RRBP1: variants seen among roughly 807,000 people sequenced by gnomAD.
RRBP1 encodes ribosome-binding protein 1.
A neutral mutation model predicts 165.2 loss-of-function variants in RRBP1; 94 were observed. That is an observed-to-expected ratio of 0.57 (90% CI 0.48 to 0.68). RRBP1 has a LOEUF of 0.68. RRBP1 is among the 30% of genes least tolerant of loss of function. The pLI, the probability that RRBP1 is intolerant of heterozygous loss-of-function variation, is 0.00. For missense variants in RRBP1, 1,676 were observed against 1,763.0 expected (o/e 0.95, Z 0.88); for synonymous variants, 680 against 714.5 (o/e 0.95, Z 0.77).
In RRBP1 at chr20:17,658,625, T is replaced by G. The variant is rs1002006827; in HGVS notation, c.1883A>C (p.Lys628Thr). 8.7e-6 allele frequency: 14 copies of G among 1,604,842 alleles called. No homozygotes were observed. The highest frequency in any genetic ancestry group is 1.4e-5 in the African/African-American group (1 of 74,032). The change falls in exon 3 of 25, where the codon AAG becomes ACG. Residue 628 changes from lysine (K) to threonine (T), a missense_variant. By Grantham distance (78) the Lys-to-Thr change is moderately conservative. Coordinates refer to ENST00000377813, the MANE Select transcript of RRBP1 (RefSeq NM_001365613.2). ...APKQEAPAKK[K>T]SGSKKKGEPG... ...CTCACCTTTTTTCTTTGAACCAGAC[T>G]TCTTCTTGGCAGGAGCCTCTTGCTT... is the stretch of plus-strand genomic sequence containing the variant.
intron 24 of RRBP1, 83 bp from the exon 25 acceptor site, chr20:17,614,303 T>A: frequency 7.2e-7 from 1 of 1,385,438 alleles, no homozygotes; most frequent in Non-Finnish European, 1.0e-6. Context: ...GGGCCTTTAG[T>A]CCCTCCCTGG....
At chr20:17,635,416 T>C in intron 7 of RRBP1, 130 bp downstream of exon 7, 1 of 671,158 alleles carries the variant, frequency 1.5e-6, no homozygotes, top group Non-Finnish European at 2.5e-6. Flanking sequence ...AGATGGAAGG[T>C]CAGGACGGCT....
At chr20:17,671,267 T>C (rs573648176) in intron 2 of RRBP1, among the ~76,000 whole-genome samples, 127 of 152,360 alleles carry the variant, frequency 8.3e-4, no homozygotes, top group Non-Finnish European at 1.5e-3. Flanking sequence ...CATTATCTTA[T>C]GTTTTCTGAG....
chr20:17,654,330 AC>A (rs2036610284), intron 3 of RRBP1, among the ~76,000 whole-genome samples: 2 of 152,212 alleles, frequency 1.3e-5, no homozygotes. Flanking sequence ...TTCTTCTTGT[AC>A]AGATGCTGCT....
chr20:17,631,379 C>A (rs1169470769), intron 8 of RRBP1, among the ~76,000 whole-genome samples: 1 of 152,228 alleles, frequency 6.6e-6, no homozygotes, highest in South Asian at 2.1e-4. Flanking sequence ...CATGTTCTTC[C>A]GTTTGTTACT....
chr20:17,616,247 C>A (rs6044910), intron 21 of RRBP1, among the ~76,000 whole-genome samples: 150,101 of 152,182 alleles, frequency 0.99, 74,063 homozygotes, highest in East Asian at 1. Flanking sequence ...AGGACAAGAA[C>A]GATGCCTCCG....
At chr20:17,645,306 G>A (rs1042406365) in intron 3 of RRBP1, among the ~76,000 whole-genome samples, 6 of 152,296 alleles carry the variant, frequency 3.9e-5, no homozygotes, top group African/African-American at 9.6e-5. Context: ...TTCTCGGAGC[G>A]GCATTCTCAT....
rs1273375441 is a variant in RRBP1 at position 17,644,811 on chromosome 20, A to G, written c.1913-1684T>C. On this transcript the variant is annotated intron_variant, in intron 3 of 24. Coordinates refer to ENST00000377813, the MANE Select transcript of RRBP1 (RefSeq NM_001365613.2). ...TTGGTATGAAAAAAAAAGAATGTGA[A>G]GTATCTGTAATAATTTTATATATGG... 3.3e-5 allele frequency among the ~76,000 whole-genome samples: 5 copies of G among 152,382 alleles called. No homozygotes were observed. The South Asian group carries it at 8.3e-4, about 25-fold the overall frequency.
intron 2 of RRBP1, among the ~76,000 whole-genome samples, chr20:17,672,028 G>A (rs1460019491): frequency 6.6e-6 from 1 of 152,212 alleles, no homozygotes; most frequent in Non-Finnish European, 1.5e-5. Flanking sequence ...CTGTGCCAGG[G>A]AGACTACTAC....
intron 5 of RRBP1, among the ~76,000 whole-genome samples, chr20:17,640,501 G>C (rs549779346): frequency 6.6e-6 from 1 of 152,332 alleles, no homozygotes; most frequent in South Asian, 2.1e-4. Flanking sequence ...GCCCCTGGCA[G>C]AGCTTGATGG....
intron 3 of RRBP1, among the ~76,000 whole-genome samples, chr20:17,657,901 C>T (rs2036674101): frequency 6.6e-6 from 1 of 152,194 alleles, no homozygotes; most frequent in Non-Finnish European, 1.5e-5. Context: ...CCATCATTCA[C>T]TCAACAAGCA....
chr20:17,616,861 T>A (rs2035811494), intron 20 of RRBP1, 22 bp from the exon 21 acceptor site: 1 of 1,568,200 alleles, frequency 6.4e-7, no homozygotes, highest in Admixed American at 1.7e-5. Context: ...AGGGGTGTGT[T>A]TGCAAATGCA....
At chr20:17,636,818 A>T (rs1015322410) in intron 5 of RRBP1, 89 bp from the exon 6 acceptor site, 6 of 1,526,898 alleles carry the variant, frequency 3.9e-6, no homozygotes, top group Admixed American at 1.7e-5. Context: ...CCGAGCTGGG[A>T]GGCTGGAGAG....
At chr20:17,676,767 A>T (rs2037089943) in intron 2 of RRBP1, among the ~76,000 whole-genome samples, 1 of 152,068 alleles carries the variant, frequency 6.6e-6, no homozygotes, top group Admixed American at 6.6e-5. Flanking sequence ...GTTTTTTATT[A>T]TGAGACAGAG....
intron 9 of RRBP1, among the ~76,000 whole-genome samples, chr20:17,629,226 A>T (rs2036097704): frequency 6.6e-6 from 1 of 152,158 alleles, no homozygotes; most frequent in Non-Finnish European, 1.5e-5. Flanking sequence ...TGGCCTGGGG[A>T]GGGGCTCGGG....
In RRBP1 at chr20:17,615,938, G is replaced by T; in HGVS notation, c.3939C>A (p.Ala1313=). The T allele has an allele frequency of 6.2e-7, 1 of 1,610,046 alleles. No individual in the cohort carries two copies. The highest frequency in any genetic ancestry group is 8.5e-7 in the Non-Finnish European group (1 of 1,179,888). Residue 1313 remains alanine (A), a synonymous_variant, in exon 22 of 25, where the codon GCC becomes GCA. Transcript: ENST00000377813. The part of the protein sequence containing the change: ...DEQTQRQKLT[A]EFEEAQTSAC... ...GGCAGGGCCTGACCTCCTCAAACTC[G>T]GCCGTGAGCTTCTGCCGCTGTGTCT...
chr20:17,652,602 C>T (rs1254079339), intron 3 of RRBP1, among the ~76,000 whole-genome samples: 1 of 152,172 alleles, frequency 6.6e-6, no homozygotes, highest in Admixed American at 6.5e-5. Flanking sequence ...TCTAGATGCC[C>T]AGGGCCAGTC....
At chr20:17,667,067 G>A (rs2036886170) in intron 2 of RRBP1, among the ~76,000 whole-genome samples, 1 of 152,178 alleles carries the variant, frequency 6.6e-6, no homozygotes, top group Non-Finnish European at 1.5e-5. Context: ...AAAATCAGAG[G>A]TGATTCTCAG....
intron 3 of RRBP1, among the ~76,000 whole-genome samples, chr20:17,647,518 C>T (rs1367921756): frequency 1.3e-5 from 2 of 152,090 alleles, no homozygotes; most frequent in African/African-American, 2.4e-5. Flanking sequence ...TTTCAGGATG[C>T]CCAGGGGGAT....
Sources: allele counts gnomAD v4.1 joint callset (sites outside exome capture counted in the v4.1 genomes callset), GRCh38; gene constraint gnomAD v4.1.1; transcripts MANE v1.5; gene names NCBI Gene and HGNC (gene_info 2026-07-23, HGNC 2026-07-21).